Variants in GTF3C4 observed in about 807,000 individuals in gnomAD.
GTF3C4 encodes general transcription factor 3C polypeptide 4.
Under a neutral mutation model 67.5 loss-of-function variants are expected in GTF3C4, and 28 were observed. That is an observed-to-expected ratio of 0.41 (90% CI 0.31 to 0.57). The LOEUF is 0.57. Ranked by LOEUF, GTF3C4 falls within the 20% of genes least tolerant of loss-of-function variation. The probability of loss-of-function intolerance (pLI) is 0.21; values close to 1 mark genes in which losing one functional copy is unlikely to be tolerated. For synonymous variants in GTF3C4, 409 were observed against 393.0 expected (o/e 1.04, Z -0.48); for missense variants, 831 against 1,033.2 (o/e 0.80, Z 2.68).
chr9:132,679,544 A>G lies in GTF3C4; in HGVS notation c.1925A>G (p.Glu642Gly). The stretch of plus-strand genomic sequence containing the variant: ...CAAGGCCTGCAGGAGAGGAGCAAGG[A>G]AGGAGATGTAGAGGAGCCCACTGAT... ...VKQGLQERSK[E>G]GDVEEPTDDS... The change falls in exon 2 of 5, where the codon GAA becomes GGA. Residue 642 changes from glutamate to glycine, a missense_variant. Physicochemically the swap from Glu to Gly is moderately conservative, Grantham distance 98. Around this residue, in one of 4 missense-constraint regions of GTF3C4, gnomAD observed 75 missense variants for 66.4 expected, o/e 1.13. Transcript: ENST00000372146. This position sits in a 1 kb window ranked among gnomAD's most constrained non-coding sequence, Gnocchi z 5.9. 1 of 1,614,130 alleles carries G rather than the reference A, an allele frequency of 6.2e-7. No individual in the cohort carries two copies. Among genetic ancestry groups the G allele is most frequent in the South Asian group, 1.1e-5 (1 of 91,064 alleles).
chr9:132,682,256 GA>G (rs1207766894), intron 2 of GTF3C4, among the ~76,000 whole-genome samples: 1 of 152,000 alleles, frequency 6.6e-6, no homozygotes, highest in Non-Finnish European at 1.5e-5. Flanking sequence ...TCTTAAGACT[GA>G]AAAGAAAAAA....
chr9:132,677,722 T>G (rs1216699447), intron 1 of GTF3C4, among the ~76,000 whole-genome samples: 1 of 152,264 alleles, frequency 6.6e-6, no homozygotes, highest in Non-Finnish European at 1.5e-5. Context: ...TGTAAAAATC[T>G]AAATATCAAT....
intron 3 of GTF3C4, among the ~76,000 whole-genome samples, chr9:132,683,920 C>G (rs1293686211): frequency 6.6e-6 from 1 of 152,162 alleles, no homozygotes; most frequent in Non-Finnish European, 1.5e-5. Flanking sequence ...TAGGAGTTTT[C>G]TTGTTTTATT....
Position 132,688,952 on chromosome 9 carries a change from A to G in GTF3C4, c.*7A>G, listed in dbSNP as rs1485292885. 1.9e-6 allele frequency: 3 copies of G among 1,598,318 alleles called. No individual in the cohort carries two copies. The highest frequency in any genetic ancestry group is 2.6e-6 in the Non-Finnish European group (3 of 1,166,050). ...TGATTCTCCTGTCTTCTAAATAATC[A>G]GTGACGGGAAGATGGAAGGGCATGA... is the stretch of plus-strand genomic sequence containing the variant. On this transcript the variant is annotated 3_prime_UTR_variant, in exon 5 of 5. Transcript: ENST00000372146.
chr9:132,677,748 AT>A (rs1204524419), intron 1 of GTF3C4, among the ~76,000 whole-genome samples: 35 of 152,274 alleles, frequency 2.3e-4, no homozygotes, highest in Admixed American at 9.8e-4. Flanking sequence ...TCAAAGATAT[AT>A]ATAGATACAT....
intron 1 of GTF3C4, among the ~76,000 whole-genome samples, chr9:132,673,662 GT>G (rs1234680134): frequency 6.6e-6 from 1 of 152,188 alleles, no homozygotes; most frequent in Non-Finnish European, 1.5e-5. Context: ...AACCTAAATG[GT>G]GGACAGTCTG....
chr9:132,684,231 CAT>C (rs901685296), intron 3 of GTF3C4, among the ~76,000 whole-genome samples: 10 of 152,184 alleles, frequency 6.6e-5, no homozygotes, highest in African/African-American at 2.2e-4. Context: ...ATGATTTAAA[CAT>C]AGAGTTTTTG....
At chr9:132,683,003 G>A (rs377136958) in intron 2 of GTF3C4, among the ~76,000 whole-genome samples, 5 of 152,272 alleles carry the variant, frequency 3.3e-5, no homozygotes, top group East Asian at 1.9e-4. Flanking sequence ...TGCTCCTATC[G>A]TGGGTCTTGC....
At chr9:132,681,420 A>G (rs17149524) in intron 2 of GTF3C4, among the ~76,000 whole-genome samples, 3,747 of 152,320 alleles carry the variant, frequency 0.025, 163 homozygotes, top group African/African-American at 0.086. Context: ...CCTGTCTTAA[A>G]AATCCAACTA....
At chr9:132,672,127 G>T (rs1835787390) in intron 1 of GTF3C4, among the ~76,000 whole-genome samples, 1 of 152,134 alleles carries the variant, frequency 6.6e-6, no homozygotes, top group Admixed American at 6.5e-5. Context: ...TTGTTCAAGT[G>T]TAAACAAATC....
chr9:132,680,148 T>C lies in GTF3C4; in HGVS notation c.2184+345T>C, dbSNP rs79340082. Among the ~76,000 whole-genome samples, 914 of 152,324 alleles carry C rather than the reference T, an allele frequency of 6.0e-3. 5 individuals are homozygous for C. Among genetic ancestry groups the C allele is most frequent in the Non-Finnish European group, 8.9e-3 (603 of 68,024 alleles). On this transcript the variant is annotated intron_variant, in intron 2 of 4. Transcript: ENST00000372146. Reference sequence around the variant, plus strand: ...AATATGGTGCCCATGCTCCCTGCCCTTCCTCTTTTGCAAAAGTTTTGTATG... The same window carrying C: ...AATATGGTGCCCATGCTCCCTGCCCCTCCTCTTTTGCAAAAGTTTTGTATG...
At chr9:132,682,475 G>T (rs1835960602) in intron 2 of GTF3C4, among the ~76,000 whole-genome samples, 1 of 147,558 alleles carries the variant, frequency 6.8e-6, no homozygotes, top group Non-Finnish European at 1.5e-5. Flanking sequence ...AGTAAGAGAA[G>T]ACAACTCTTG....
Position 132,678,585 on chromosome 9 carries a change from G to A in GTF3C4, c.966G>A (p.Glu322=). ...SPSVLFWWEY[E]HNNRKMSGLI... ...GTGTATTGTTTTGGTGGGAATATGA[G>A]CACAATAATCGAAAAATGAGTGGCC... Residue 322 remains glutamate, a synonymous_variant, in exon 2 of 5, where the codon GAG becomes GAA. Coordinates refer to ENST00000372146, the MANE Select transcript of GTF3C4 (RefSeq NM_012204.4). This position sits in a 1 kb window ranked among gnomAD's most constrained non-coding sequence, Gnocchi z 6.5. 1 of 1,614,202 alleles carries A rather than the reference G, an allele frequency of 6.2e-7. No homozygotes were observed. The highest frequency in any genetic ancestry group is 8.5e-7 in the Non-Finnish European group (1 of 1,180,024).
Position 132,693,513 on chromosome 9 carries a change from C to T in GTF3C4, c.*4568C>T, listed in dbSNP as rs151223126. On this transcript the variant is annotated 3_prime_UTR_variant, in exon 5 of 5. Transcript: ENST00000372146. ...GTTGACGAAAGTGTAAGATTATACT[C>T]TCATGCTAAAATAAGGTATAGGCTA... The T allele has an allele frequency of 8.5e-5, 13 of 152,230 alleles. No homozygotes were observed. Among genetic ancestry groups the T allele is most frequent in the African/African-American group, 3.1e-4 (13 of 41,540 alleles). The allele number at this position is 152,230 out of a possible 1,614,324, so 9.4% of individuals were successfully genotyped here.
chr9:132,675,663 T>A (rs1835853098), intron 1 of GTF3C4, among the ~76,000 whole-genome samples: 1 of 152,188 alleles, frequency 6.6e-6, no homozygotes, highest in South Asian at 2.1e-4. Flanking sequence ...TCGTGTCACT[T>A]TTCAAGGGAG....
Position 132,693,574 on chromosome 9 carries a change from G to C in GTF3C4, c.*4629G>C, listed in dbSNP as rs192048737. On this transcript the variant is annotated 3_prime_UTR_variant, in exon 5 of 5. Transcript: ENST00000372146. ...TGTAAATGGGTTGGTTAGAATTAAA[G>C]TTTAGAACTCTAAATCTTATGCTTA... The C allele has an allele frequency of 2.0e-5, 3 of 152,208 alleles. No homozygotes were observed. The East Asian group carries it at 5.8e-4, about 29-fold the overall frequency. The allele number at this position is 152,208 out of a possible 1,614,324, so 9.4% of individuals were successfully genotyped here. A position where few individuals can be genotyped will look rare whatever the true frequency, so the allele number is the denominator to read the frequency against.
chr9:132,687,977 A>G (rs958842842), intron 4 of GTF3C4, among the ~76,000 whole-genome samples: 4 of 152,348 alleles, frequency 2.6e-5, no homozygotes, highest in Non-Finnish European at 2.9e-5. Flanking sequence ...GGAATATTCT[A>G]TTCTCAGCTG....
rs763343407 is a variant in GTF3C4 at position 132,677,982 on chromosome 9, C to G, written c.363C>G (p.Gly121=). The change falls in exon 2 of 5, where the codon GGC becomes GGG. Residue 121 remains glycine (G), a synonymous_variant. Coordinates refer to ENST00000372146, the MANE Select transcript of GTF3C4 (RefSeq NM_012204.4). ...TTTATATCTCTTATTTTCAGGTTGG[C>G]TCAAAAACAGAAGTTGCTGAGTGCA... ...APLNSCLLKV[G]SKTEVAECKE... is the part of the protein sequence containing the mutation. The G allele has an allele frequency of 1.3e-6, 2 of 1,591,464 alleles. No individual in the cohort carries two copies. Among genetic ancestry groups the G allele is most frequent in the South Asian group, 1.1e-5 (1 of 87,260 alleles).
At position 132,678,381 on chromosome 9, in the gene GTF3C4, G is replaced by C; in HGVS notation, c.762G>C (p.Ser254=). Residue 254 remains serine, a synonymous_variant, in exon 2 of 5, where the codon TCG becomes TCC. Transcript: ENST00000372146. This position sits in a 1 kb window ranked among gnomAD's most constrained non-coding sequence, Gnocchi z 6.5. ...AGACCCCAGTCAGAATGGAGTGGTC[G>C]GGCATCTGTACCACCCAGCAGGTCA... is the stretch of plus-strand genomic sequence containing the variant. ...SMQTPVRMEW[S]GICTTQQVKH... The C allele has an allele frequency of 1.9e-6, 3 of 1,614,174 alleles. No individual in the cohort carries two copies. Among genetic ancestry groups the C allele is most frequent in the African/African-American group, 1.3e-5 (1 of 75,044 alleles).
Sources: gnomAD v4.1 joint callset for allele counts (sites outside exome capture counted in the v4.1 genomes callset) on GRCh38, gnomAD v4.1.1 for gene constraint, gnomAD v4.1.1 regional missense constraint, Gnocchi (gnomAD v3.1) non-coding constraint, MANE v1.5 for transcripts, NCBI Gene and HGNC (gene_info 2026-07-23, HGNC 2026-07-21) for gene names.